Variants in SOS1 observed in about 807,000 individuals in gnomAD.
The protein encoded by SOS1 is SOS Ras/Rac guanine nucleotide exchange factor 1.
A neutral mutation model predicts 157.6 loss-of-function variants in SOS1; 25 were observed. The observed-to-expected ratio is 0.16, with a 90% CI of 0.12 to 0.22. The LOEUF is 0.22. Ranked by LOEUF, SOS1 falls within the 10% of genes least tolerant of loss-of-function variation. The pLI is 1.00. For missense variants in SOS1, 1,237 were observed against 1,599.1 expected (o/e 0.77, Z 3.86); for synonymous variants, 528 against 534.0 (o/e 0.99, Z 0.16).
chr2:39,053,644 G>A (rs1671100244), intron 5 of SOS1, among the ~76,000 whole-genome samples: 1 of 152,028 alleles, frequency 6.6e-6, no homozygotes, highest in Admixed American at 6.5e-5. Flanking sequence ...TCTCTTATCA[G>A]TCATTTATGG....
chr2:39,004,104 A>G (rs1189768346), intron 17 of SOS1, among the ~76,000 whole-genome samples: 4 of 152,194 alleles, frequency 2.6e-5, no homozygotes, highest in Non-Finnish European at 5.9e-5. Context: ...AGTCAGTGAG[A>G]TACAATACAT....
At chr2:39,035,522 A>C in intron 6 of SOS1, 22 bp from the exon 7 acceptor site, 1 of 1,505,594 alleles carries the variant, frequency 6.6e-7, no homozygotes, top group Non-Finnish European at 9.2e-7. Flanking sequence ...AAGAAGGTAA[A>C]ACATAAATAA....
intron 1 of SOS1, chr2:39,082,455 A>C (rs1452940421): frequency 6.6e-6 from 1 of 151,980 alleles, no homozygotes; most frequent in Non-Finnish European, 1.5e-5. Context: ...AAACCAAAAA[A>C]CTGGATCTAT....
chr2:39,106,190 C>T (rs1308383234), intron 1 of SOS1, among the ~76,000 whole-genome samples: 1 of 150,476 alleles, frequency 6.6e-6, no homozygotes, highest in Non-Finnish European at 1.5e-5. Flanking sequence ...ACTGTACACA[C>T]ACACACACAC....
intron 5 of SOS1, among the ~76,000 whole-genome samples, chr2:39,052,928 A>C (rs1671071883): frequency 6.6e-6 from 1 of 152,134 alleles, no homozygotes; most frequent in Non-Finnish European, 1.5e-5. Flanking sequence ...CAAGGCTGGC[A>C]GATCACTTGA....
intron 17 of SOS1, among the ~76,000 whole-genome samples, chr2:39,004,814 G>A (rs1043152730): frequency 6.6e-6 from 1 of 151,534 alleles, no homozygotes; most frequent in African/African-American, 2.4e-5. Flanking sequence ...AGTAATCAAA[G>A]AATGGAAATT....
intron 8 of SOS1, among the ~76,000 whole-genome samples, chr2:39,028,513 T>C (rs1426244993): frequency 6.6e-6 from 1 of 152,158 alleles, no homozygotes; most frequent in Non-Finnish European, 1.5e-5. Flanking sequence ...ATTAATTTCC[T>C]CCAACATGGC....
intron 1 of SOS1, among the ~76,000 whole-genome samples, chr2:39,076,085 T>C (rs994150556): frequency 6.6e-6 from 1 of 152,120 alleles, no homozygotes; most frequent in African/African-American, 2.4e-5. Context: ...TAACTGTTCA[T>C]GGACATAGAT....
At position 39,022,599 on chromosome 2, in the gene SOS1, A is replaced by G. The variant is rs776146535; in HGVS notation, c.1829T>C (p.Ile610Thr). The G allele has an allele frequency of 4.7e-5, 76 of 1,613,246 alleles. No homozygotes were observed. In the East Asian group the frequency reaches 5.6e-4, roughly 12 times the overall value. ...IIKAGTVIKL[I>T]ERLTYHMYAD... ...GTACATATGGTACGTAAGCCTCTCT[A>G]TAAGTTTAATAACAGTTCCTGCTTT... The change falls in exon 10 of 23, where the codon ATA becomes ACA. Residue 610 changes from isoleucine (I) to threonine (T), a missense_variant. By Grantham distance (89) the Ile-to-Thr change is moderately conservative. Coordinates refer to ENST00000402219, the MANE Select transcript of SOS1 (RefSeq NM_005633.4).
intron 1 of SOS1, among the ~76,000 whole-genome samples, chr2:39,091,057 C>T (rs770181963): frequency 4.6e-5 from 7 of 152,188 alleles, no homozygotes; most frequent in African/African-American, 7.2e-5. Flanking sequence ...TTAGTAGAGA[C>T]GGGGTTTCAC....
chr2:39,116,125 A>T (rs1254626748), intron 1 of SOS1, among the ~76,000 whole-genome samples: 2 of 152,220 alleles, frequency 1.3e-5, no homozygotes, highest in East Asian at 3.8e-4. Flanking sequence ...AGAAGTTCCA[A>T]ATCTGCTTAA....
At chr2:39,027,542 AAT>A in intron 8 of SOS1, among the ~76,000 whole-genome samples, 1 of 152,334 alleles carries the variant, frequency 6.6e-6, no homozygotes, top group South Asian at 2.1e-4. Context: ...GCACTGGTGC[AAT>A]ATAATTCAAG....
At chr2:39,024,460 A>G (rs1408883173) in intron 8 of SOS1, among the ~76,000 whole-genome samples, 5 of 151,838 alleles carry the variant, frequency 3.3e-5, no homozygotes, top group Non-Finnish European at 7.4e-5. Context: ...TAGAGTTAGC[A>G]TACCACTAAG....
At chr2:39,089,941 A>C (rs1323532907) in intron 1 of SOS1, among the ~76,000 whole-genome samples, 1 of 150,450 alleles carries the variant, frequency 6.6e-6, no homozygotes, top group African/African-American at 2.4e-5. Context: ...AGCCTGGACA[A>C]CATGGTGAAA....
chr2:39,036,901 A>C (rs1014532894), intron 6 of SOS1, among the ~76,000 whole-genome samples: 42 of 149,418 alleles, frequency 2.8e-4, no homozygotes, highest in African/African-American at 1.0e-3. Context: ...GATCTGCTGG[A>C]CTCAAGTGAT....
chr2:39,056,416 C>CA (rs920738124), intron 4 of SOS1, among the ~76,000 whole-genome samples: 11 of 148,940 alleles, frequency 7.4e-5, no homozygotes, highest in South Asian at 4.2e-4. Flanking sequence ...GATTCCGTCT[C>CA]AAAAAAAAGA....
chr2:39,013,560 T>C lies in SOS1; in HGVS notation c.2067A>G (p.Val689=). Reference sequence around the variant, plus strand: ...CTACCCAGTGCCGACATACATTTAATACTCTATGGCATTAACACAGAATTG... The same window carrying C: ...CTACCCAGTGCCGACATACATTTAACACTCTATGGCATTAACACAGAATTG... ...KEYIQPVQLR[V]LNVCRHWVEH... Residue 689 remains valine, a synonymous_variant, in exon 13 of 23, where the codon GTA becomes GTG. Coordinates refer to ENST00000402219, the MANE Select transcript of SOS1 (RefSeq NM_005633.4). 2 of 1,573,340 alleles carry C rather than the reference T, an allele frequency of 1.3e-6. No homozygotes were observed. The highest frequency in any genetic ancestry group is 1.7e-6 in the Non-Finnish European group (2 of 1,142,892).
chr2:39,123,595 CA>C (rs1009815690), upstream of SOS1, among the ~76,000 whole-genome samples: 4 of 151,668 alleles, frequency 2.6e-5, no homozygotes, highest in African/African-American at 7.3e-5. Flanking sequence ...TGACCTCAAG[CA>C]ATCCACCCAC....
intron 8 of SOS1, chr2:39,034,824 G>A (rs1282755046): frequency 6.6e-6 from 3 of 457,932 alleles, no homozygotes; most frequent in South Asian, 4.6e-5. Context: ...TCCTCACACT[G>A]AGTCCCTGAG....
Sources: gnomAD v4.1 joint callset for allele counts (sites outside exome capture counted in the v4.1 genomes callset) on GRCh38, gnomAD v4.1.1 for gene constraint, MANE v1.5 for transcripts, NCBI Gene and HGNC (gene_info 2026-07-23, HGNC 2026-07-21) for gene names.